The following FAM114A1 variants were observed in gnomAD, a reference collection of about 807,000 sequenced individuals.
The protein encoded by FAM114A1 is protein NOXP20.
FAM114A1 carries 62 observed loss-of-function variants against 64.3 expected under a neutral mutation model. The ratio of observed to expected loss-of-function variants is 0.96; its 90% confidence interval spans 0.79 to 1.19. The LOEUF (loss-of-function observed/expected upper bound fraction) is 1.19. Ranked by LOEUF, FAM114A1 falls within the 50% of genes most tolerant of loss-of-function variation. The pLI is 0.00. For synonymous variants in FAM114A1, 254 were observed against 251.1 expected (o/e 1.01, Z -0.11); for missense variants, 645 against 676.3 (o/e 0.95, Z 0.51).
At chr4:38,880,595 C>G (rs953197258) in intron 3 of FAM114A1, among the ~76,000 whole-genome samples, 1 of 152,188 alleles carries the variant, frequency 6.6e-6, no homozygotes, top group Non-Finnish European at 1.5e-5. Flanking sequence ...TGTCAAGAAT[C>G]AGCCCAAATA....
intron 1 of FAM114A1, chr4:38,868,113 A>G: frequency 3.6e-6 from 1 of 274,814 alleles, no homozygotes. Context: ...ACACACCCAC[A>G]CGCCCACACT....
chr4:38,910,212 C>T (rs1333535343), intron 7 of FAM114A1, among the ~76,000 whole-genome samples: 4 of 151,244 alleles, frequency 2.6e-5, no homozygotes, highest in Non-Finnish European at 5.9e-5. Context: ...GCACTCTAGC[C>T]TGGGCAATAA....
In FAM114A1 at chr4:38,945,652, G is replaced by A. The variant is rs1579432978; in HGVS notation, c.*2095G>A. The stretch of plus-strand genomic sequence containing the variant: ...ACTGTATTTCATTTGTATGTCTCCT[G>A]AAACATCCAAATAGAGAACATAAGA... On this transcript the variant is annotated 3_prime_UTR_variant, in exon 15 of 15. Transcript: ENST00000358869. 6.6e-6 allele frequency: 1 copy of A among 152,094 alleles called. No homozygotes were observed. The highest frequency in any genetic ancestry group is 2.4e-5 in the African/African-American group (1 of 41,410). The allele number at this position is 152,094 out of a possible 1,614,324, so 9.4% of individuals were successfully genotyped here.
chr4:38,884,721 TC>T (rs1410686895), intron 3 of FAM114A1, among the ~76,000 whole-genome samples: 1 of 152,166 alleles, frequency 6.6e-6, no homozygotes. Flanking sequence ...CTTGAGAACA[TC>T]CCATTGTTTA....
At chr4:38,923,651 T>A (rs1719841621) in intron 9 of FAM114A1, among the ~76,000 whole-genome samples, 1 of 152,144 alleles carries the variant, frequency 6.6e-6, no homozygotes, top group South Asian at 2.1e-4. Flanking sequence ...GGTGTAAGAG[T>A]TCGGGTATAT....
intron 10 of FAM114A1, 44 bp from the exon 11 acceptor site, chr4:38,931,407 A>G (rs1286514038): frequency 1.9e-6 from 3 of 1,559,684 alleles, no homozygotes; most frequent in Non-Finnish European, 2.6e-6. Context: ...CTTAGTTTCC[A>G]TATTTGCGCC....
chr4:38,909,343 G>A (rs1718317846), intron 7 of FAM114A1, among the ~76,000 whole-genome samples: 1 of 152,158 alleles, frequency 6.6e-6, no homozygotes, highest in African/African-American at 2.4e-5. Context: ...TGTTGTCATT[G>A]CCGTTATTAT....
chr4:38,877,940 G>A (rs975362426), intron 2 of FAM114A1, 131 bp from the exon 3 acceptor site: 4 of 730,844 alleles, frequency 5.5e-6, no homozygotes, highest in African/African-American at 1.9e-5. Context: ...CTCCAGCCTA[G>A]GCAACAAGAG....
At chr4:38,884,258 G>T (rs1715579782) in intron 3 of FAM114A1, among the ~76,000 whole-genome samples, 1 of 152,144 alleles carries the variant, frequency 6.6e-6, no homozygotes, top group Admixed American at 6.5e-5. Flanking sequence ...CAAAGTGCTG[G>T]GATTATAGGC....
intron 3 of FAM114A1, among the ~76,000 whole-genome samples, chr4:38,881,394 AAATTCCTAATAATAGAGCACCACGG>A (rs1362060370): frequency 6.6e-6 from 1 of 152,112 alleles, no homozygotes; most frequent in Admixed American, 6.6e-5. Flanking sequence ...GAAAGGGGAG[AAATTCCTAATAATAGAGCACCACGG>A]AATTACCTGG....
At chr4:38,934,761 T>C (rs1204217854) in intron 12 of FAM114A1, among the ~76,000 whole-genome samples, 1 of 152,234 alleles carries the variant, frequency 6.6e-6, no homozygotes, top group East Asian at 1.9e-4. Context: ...CAGCATAAAC[T>C]TGGAATTTTG....
intron 2 of FAM114A1, among the ~76,000 whole-genome samples, chr4:38,874,819 A>C (rs1188214349): frequency 6.6e-6 from 1 of 152,108 alleles, no homozygotes; most frequent in Non-Finnish European, 1.5e-5. Flanking sequence ...TTTACATTTA[A>C]GTCTTTAGTC....
chr4:38,913,468 G>A (rs957707947), intron 7 of FAM114A1, among the ~76,000 whole-genome samples: 1 of 152,000 alleles, frequency 6.6e-6, no homozygotes, highest in Non-Finnish European at 1.5e-5. Flanking sequence ...GCGCAGTCTC[G>A]GCTCACTGCG....
At position 38,921,951 on chromosome 4, in the gene FAM114A1, T is replaced by C. The variant is rs185301010; in HGVS notation, c.946-819T>C. 3.3e-5 allele frequency among the ~76,000 whole-genome samples: 5 copies of C among 152,348 alleles called. No individual in the cohort carries two copies. In the East Asian group the frequency reaches 9.6e-4, roughly 29 times the overall value. On this transcript the variant is annotated intron_variant, in intron 8 of 14. Transcript: ENST00000358869. ...GTTTGTTTATTTATTTATTCATTCA[T>C]TTATTTTTTGAGATGGAGTCTCGCT...
chr4:38,935,333 G>A (rs1720989325), intron 12 of FAM114A1, among the ~76,000 whole-genome samples: 1 of 152,194 alleles, frequency 6.6e-6, no homozygotes, highest in Admixed American at 6.5e-5. Context: ...TTAACATAGT[G>A]CCTCAGTGAA....
rs6820492 is a variant in FAM114A1, at chr4:38,906,870, G to A, written c.657+1009G>A. On this transcript the variant is annotated intron_variant, in intron 6 of 14. Coordinates refer to ENST00000358869, the MANE Select transcript of FAM114A1 (RefSeq NM_138389.4). Reference sequence around the variant, plus strand: ...ACTAGTTTTTCTAAAAATATGGCTCGTGTCTCATTTAGTCATTCATTCATT... The same window carrying A: ...ACTAGTTTTTCTAAAAATATGGCTCATGTCTCATTTAGTCATTCATTCATT... Among the ~76,000 whole-genome samples the A allele has an allele frequency of 5.8e-3, 873 of 151,712 alleles. 11 individuals carry two copies. The highest frequency in any genetic ancestry group is 0.048 in the Middle Eastern group (14 of 292).
intron 3 of FAM114A1, among the ~76,000 whole-genome samples, chr4:38,881,176 C>T (rs1264050503): frequency 1.3e-5 from 2 of 150,722 alleles, no homozygotes; most frequent in Non-Finnish European, 2.9e-5. Flanking sequence ...TGCACTCCAG[C>T]CTGGGTGACA....
At chr4:38,874,721 T>C (rs918908557) in intron 2 of FAM114A1, among the ~76,000 whole-genome samples, 8 of 152,176 alleles carry the variant, frequency 5.3e-5, no homozygotes, top group African/African-American at 1.9e-4. Context: ...TTTGGAGTCT[T>C]TGTCATGAAA....
At chr4:38,874,805 G>C (rs1288709253) in intron 2 of FAM114A1, among the ~76,000 whole-genome samples, 2 of 151,938 alleles carry the variant, frequency 1.3e-5, no homozygotes, top group African/African-American at 4.8e-5. Context: ...TTATAGTTTT[G>C]GGTTTTACAT....
Sources: gnomAD v4.1 joint callset for allele counts (sites outside exome capture counted in the v4.1 genomes callset) on GRCh38, gnomAD v4.1.1 for gene constraint, MANE v1.5 for transcripts, NCBI Gene and HGNC (gene_info 2026-07-23, HGNC 2026-07-21) for gene names.